The following SPEG variants were observed in gnomAD, a reference collection of about 807,000 sequenced individuals.
SPEG encodes the protein striated muscle enriched protein kinase.
SPEG carries 114 observed loss-of-function variants against 300.4 expected under a neutral mutation model. The ratio of observed to expected loss-of-function variants is 0.38; its 90% CI spans 0.33 to 0.44. SPEG has a LOEUF of 0.44. Ranked by LOEUF, SPEG falls within the 20% of genes least tolerant of loss-of-function variation. The probability of loss-of-function intolerance (pLI) is 1.00; values close to 1 mark genes in which losing one functional copy is unlikely to be tolerated. For synonymous variants in SPEG, 1,964 were observed against 2,018.9 expected (o/e 0.97, Z 0.73); for missense variants, 4,201 against 4,586.2 (o/e 0.92, Z 2.43).
In SPEG at chr2:219,490,503, C is replaced by T. The variant is rs781096883; in HGVS notation, c.9016C>T (p.Arg3006Trp). ...GCCCTATGCTGCCGAGGGCAAGCGG[C>T]GGGTCCTGCAGGAGTACGAGGTGCT... ...IVPYAAEGKR[R>W]VLQEYEVLRT... Residue 3006 changes from arginine to tryptophan, a missense_variant, in exon 37 of 41, where the codon CGG becomes TGG. By Grantham distance (101) the Arg-to-Trp change is moderately radical (BLOSUM62 -3). Around this residue, in one of 4 missense-constraint regions of SPEG, gnomAD observed 318 missense variants for 429.5 expected, o/e 0.74. Coordinates refer to ENST00000312358, the MANE Select transcript of SPEG (RefSeq NM_005876.5). 132 of 1,612,448 alleles carry T rather than the reference C, an allele frequency of 8.2e-5. No homozygotes were observed. Among genetic ancestry groups the T allele is most frequent in the East Asian group, 1.1e-4 (5 of 44,896 alleles).
intron 1 of SPEG, chr2:219,442,089 G>T: frequency 8.4e-7 from 1 of 1,195,980 alleles, no homozygotes; most frequent in South Asian, 4.2e-5. Context: ...TCCAGGTGAG[G>T]GCTCCGGGGG....
chr2:219,448,965 G>A lies in SPEG; in HGVS notation c.1807G>A (p.Ala603Thr). The change falls in exon 4 of 41, where the codon GCC (alanine) becomes ACC (threonine). Residue 603 changes from alanine (A) to threonine (T), a missense_variant. By Grantham distance (58) the Ala-to-Thr change is moderately conservative. Coordinates refer to ENST00000312358, the MANE Select transcript of SPEG (RefSeq NM_005876.5). ...CCAATTCCCGCTGACCCGGAGCAGA[G>A]CCATCCAGGAGTGCAGGAGCCCTGT... The part of the protein sequence containing the change: ...RDQFPLTRSR[A>T]IQECRSPVPP... 1.3e-6 allele frequency: 2 copies of A among 1,511,514 alleles called. No homozygotes were observed. The highest frequency in any genetic ancestry group is 1.8e-6 in the Non-Finnish European group (2 of 1,133,468). 93.6% of individuals were successfully genotyped at this position (1,511,514 alleles called of 1,614,324 possible). A position where few individuals can be genotyped will look rare whatever the true frequency, so the allele number is the denominator to read the frequency against.
chr2:219,489,713 C>G lies in SPEG; in HGVS notation c.8695C>G (p.Pro2899Ala). 1 of 1,614,086 alleles carries G rather than the reference C, an allele frequency of 6.2e-7. No individual in the cohort carries two copies. The change falls in exon 36 of 41, where the codon CCT (proline) becomes GCT (alanine). Residue 2899 changes from proline to alanine, a missense_variant. Coordinates refer to ENST00000312358, the MANE Select transcript of SPEG (RefSeq NM_005876.5). ...GGTTAAACCAGTGTCTTCCTCTACT[C>G]CTGTGTATGTGGTGACTTCCTTTGT... ...QGVKPVSSST[P>A]VYVVTSFVSA...
At position 219,449,037 on chromosome 2, in the gene SPEG, C is replaced by G; in HGVS notation, c.1879C>G (p.Pro627Ala). 1 of 1,520,148 alleles carries G rather than the reference C, an allele frequency of 6.6e-7. No individual in the cohort carries two copies. The highest frequency in any genetic ancestry group is 8.8e-7 in the Non-Finnish European group (1 of 1,133,926). The allele number at this position is 1,520,148 out of a possible 1,614,324, so 94.2% of individuals were successfully genotyped here. ...DPPEARTKAP[P>A]GRKREPPAQA... ...CCCAGAGGCCAGGACGAAAGCACCCCCCGGTCGGAAGCGGGAGCCCCCGGC... is the reference window on the plus strand; with the variant it reads ...CCCAGAGGCCAGGACGAAAGCACCCGCCGGTCGGAAGCGGGAGCCCCCGGC... The change falls in exon 4 of 41, where the codon CCC (proline) becomes GCC (alanine). Residue 627 changes from proline (P) to alanine (A), a missense_variant. By Grantham distance (27) the Pro-to-Ala change is conservative. Around this residue, in one of 4 missense-constraint regions of SPEG, gnomAD observed 1,258 missense variants for 1,293.9 expected, o/e 0.97. Coordinates refer to ENST00000312358, the MANE Select transcript of SPEG (RefSeq NM_005876.5).
intron 32 of SPEG, 57 bp downstream of exon 32, chr2:219,488,367 G>A: frequency 6.6e-7 from 1 of 1,513,616 alleles, no homozygotes. Context: ...CTGAGCCCAG[G>A]GGATGGGAGG....
chr2:219,448,082 G>T lies in SPEG; in HGVS notation c.924G>T (p.Leu308=). ...AGCCGCCTCCTTCCAAATCCGCGCT[G>T]CTCCCCCCACCGTCCCCTCGGGTCG... The part of the protein sequence containing the change: ...PAQPPPSKSA[L]LPPPSPRVGK... Residue 308 remains leucine (L), a synonymous_variant, in exon 4 of 41, where the codon CTG becomes CTT. Coordinates refer to ENST00000312358, the MANE Select transcript of SPEG (RefSeq NM_005876.5). 6.2e-7 allele frequency: 1 copy of T among 1,607,652 alleles called. No individual in the cohort carries two copies. The highest frequency in any genetic ancestry group is 1.3e-5 in the African/African-American group (1 of 74,912).
chr2:219,468,114 C>T (rs1279603824), intron 10 of SPEG, among the ~76,000 whole-genome samples: 3 of 152,208 alleles, frequency 2.0e-5, no homozygotes, highest in Non-Finnish European at 4.4e-5. Context: ...CCTCCAGAAG[C>T]TTCTTTGAGG....
At position 219,490,586 on chromosome 2, in the gene SPEG, G is replaced by A. The variant is rs369513475; in HGVS notation, c.9099G>A (p.Arg3033=). The A allele has an allele frequency of 1.2e-4, 192 of 1,613,838 alleles. No individual in the cohort carries two copies. Among genetic ancestry groups the A allele is most frequent in the South Asian group, 2.2e-4 (20 of 91,080 alleles). Residue 3033 remains arginine (R), a synonymous_variant, in exon 37 of 41, where the codon CGG becomes CGA. Transcript: ENST00000312358. ...MSLHEAYITP[R]YLVLIAESCG... is the part of the protein sequence containing the mutation. ...TGCACGAGGCCTACATCACCCCTCGGTACCTCGTGCTCATTGCTGAGAGCT... is the reference window on the plus strand; with the variant it reads ...TGCACGAGGCCTACATCACCCCTCGATACCTCGTGCTCATTGCTGAGAGCT...
At chr2:219,454,562 C>T (rs1009173725) in intron 6 of SPEG, among the ~76,000 whole-genome samples, 9 of 152,284 alleles carry the variant, frequency 5.9e-5, no homozygotes, top group South Asian at 2.1e-4. Flanking sequence ...TCTTCCCTGG[C>T]GATAACATTG....
In SPEG at chr2:219,451,863, G is replaced by GCCCAGGC; in HGVS notation, c.2440+62_2440+68dup. The GCCCAGGC allele has an allele frequency of 6.9e-7, 1 of 1,453,120 alleles. No individual in the cohort carries two copies. Among genetic ancestry groups the GCCCAGGC allele is most frequent in the African/African-American group, 1.4e-5 (1 of 70,492 alleles). The allele number at this position is 1,453,120 out of a possible 1,614,324, so 90.0% of individuals were successfully genotyped here. A position where few individuals can be genotyped will look rare whatever the true frequency, so the allele number is the denominator to read the frequency against. On this transcript the variant is annotated intron_variant, in intron 6 of 40. Coordinates refer to ENST00000312358, the MANE Select transcript of SPEG (RefSeq NM_005876.5). The surrounding 1 kb of genome is among the most constrained non-coding windows in gnomAD (Gnocchi z 6.4). ...GGGGGCAAGCCGTGACTCTCCCCTGGCCCAGGCCCCAGTCCACCTCCCTTC... is the reference window on the plus strand; with the variant it reads ...GGGGGCAAGCCGTGACTCTCCCCTGGCCCAGGCCCCAGGCCCCAGTCCACCTCCCTTC...
chr2:219,477,141 C>A lies in SPEG; in HGVS notation c.4561-136C>A. Reference sequence around the variant, plus strand: ...GACTGACTAGCTGAGGGGTGCAGGGCTTTCTGTGGGAGATAAGGGAGGAGC... The same window carrying A: ...GACTGACTAGCTGAGGGGTGCAGGGATTTCTGTGGGAGATAAGGGAGGAGC... On this transcript the variant is annotated intron_variant, in intron 19 of 40. Coordinates refer to ENST00000312358, the MANE Select transcript of SPEG (RefSeq NM_005876.5). This position sits in a 1 kb window ranked among gnomAD's most constrained non-coding sequence, Gnocchi z 6.4. 1.0e-6 allele frequency: 1 copy of A among 996,780 alleles called. No homozygotes were observed. The highest frequency in any genetic ancestry group is 1.5e-6 in the Non-Finnish European group (1 of 687,274). 61.7% of individuals were successfully genotyped at this position (996,780 alleles called of 1,614,324 possible).
chr2:219,464,407 G>A lies in SPEG; in HGVS notation c.2706-26G>A, dbSNP rs1236498204. On this transcript the variant is annotated intron_variant, in intron 8 of 40. Transcript: ENST00000312358. This position sits in a 1 kb window ranked among gnomAD's most constrained non-coding sequence, Gnocchi z 4.5. The stretch of plus-strand genomic sequence containing the variant: ...ACGCACATCAGGCCCCTGGGCCCTG[G>A]GACTGAGTTCTTGCCCCTCTGACAG... The A allele has an allele frequency of 6.3e-7, 1 of 1,598,136 alleles. No individual in the cohort carries two copies. Among genetic ancestry groups the A allele is most frequent in the Admixed American group, 1.7e-5 (1 of 59,642 alleles).
chr2:219,448,978 G>T lies in SPEG; in HGVS notation c.1820G>T (p.Cys607Phe). 6.6e-7 allele frequency: 1 copy of T among 1,507,652 alleles called. No individual in the cohort carries two copies. The allele number at this position is 1,507,652 out of a possible 1,614,324, so 93.4% of individuals were successfully genotyped here. A position where few individuals can be genotyped will look rare whatever the true frequency, so the allele number is the denominator to read the frequency against. ...ACCCGGAGCAGAGCCATCCAGGAGTGCAGGAGCCCTGTGCCGCCCCCCGCC... is the reference window on the plus strand; with the variant it reads ...ACCCGGAGCAGAGCCATCCAGGAGTTCAGGAGCCCTGTGCCGCCCCCCGCC... ...PLTRSRAIQE[C>F]RSPVPPPAAD... The change falls in exon 4 of 41, where the codon TGC (cysteine) becomes TTC (phenylalanine). Residue 607 changes from cysteine (C) to phenylalanine (F), a missense_variant. Around this residue, in one of 4 missense-constraint regions of SPEG, gnomAD observed 1,258 missense variants for 1,293.9 expected, o/e 0.97. Transcript: ENST00000312358.
rs1042146524 is a variant in SPEG, at chr2:219,436,170, T to TC, written c.388+810dup. On this transcript the variant is annotated intron_variant, in intron 1 of 40. Transcript: ENST00000312358. ...GGGGGATGCTATGGACCAGTGCTTG[T>TC]CCCCCGCCCATAGATTTCCAGGTGC... Among the ~76,000 whole-genome samples, 17 of 152,220 alleles carry TC rather than the reference T, an allele frequency of 1.1e-4. 1 individual carries two copies. The highest frequency in any genetic ancestry group is 4.1e-4 in the African/African-American group (17 of 41,526).
intron 9 of SPEG, chr2:219,465,599 T>G: frequency 9.5e-6 from 2 of 209,674 alleles, no homozygotes; most frequent in Non-Finnish European, 1.9e-5. Context: ...CCCCCAGGCT[T>G]TGGGGTGCTC....
rs955137172 is a variant in SPEG at position 219,464,861 on chromosome 2, G to A, written c.2881+253G>A. 1.7e-5 allele frequency: 8 copies of A among 476,598 alleles called. No homozygotes were observed. The highest frequency in any genetic ancestry group is 5.9e-5 in the African/African-American group (3 of 50,808). 29.5% of individuals were successfully genotyped at this position (476,598 alleles called of 1,614,324 possible). A position where few individuals can be genotyped will look rare whatever the true frequency, so the allele number is the denominator to read the frequency against. On this transcript the variant is annotated intron_variant, in intron 9 of 40. Transcript: ENST00000312358. This position sits in a 1 kb window ranked among gnomAD's most constrained non-coding sequence, Gnocchi z 4.5. ...ACCACCTTCCCTGTTGCTCCATCAC[G>A]GAGCCCTGGCGGCAGCCAGAGACCC...
chr2:219,489,773 G>A lies in SPEG; in HGVS notation c.8755G>A (p.Glu2919Lys), dbSNP rs868489026. Residue 2919 changes from glutamate (E) to lysine (K), a missense_variant, in exon 36 of 41, where the codon GAG (glutamate) becomes AAG (lysine). Transcript: ENST00000312358. Reference protein sequence around the residue: ...APPAPEPPAPEPPPEPTKVTV... With the variant: ...APPAPEPPAPKPPPEPTKVTV... ...ACCAGCCCCTGAGCCCCCAGCCCCT[G>A]AGCCCCCTCCTGAGCCTACCAAGGT... The A allele has an allele frequency of 9.9e-6, 16 of 1,613,450 alleles. No homozygotes were observed. Among genetic ancestry groups the A allele is most frequent in the Non-Finnish European group, 1.3e-5 (15 of 1,179,918 alleles).
chr2:219,477,436 G>C lies in SPEG; in HGVS notation c.4720G>C (p.Val1574Leu). 1 of 1,584,848 alleles carries C rather than the reference G, an allele frequency of 6.3e-7. No homozygotes were observed. The highest frequency in any genetic ancestry group is 1.7e-4 in the Middle Eastern group (1 of 6,012). The change falls in exon 20 of 41, where the codon GTG becomes CTG. Residue 1574 changes from valine (V) to leucine (L), a missense_variant. Around this residue, in one of 4 missense-constraint regions of SPEG, gnomAD observed 1,047 missense variants for 1,356.8 expected, o/e 0.77. Coordinates refer to ENST00000312358, the MANE Select transcript of SPEG (RefSeq NM_005876.5). The surrounding 1 kb of genome is among the most constrained non-coding windows in gnomAD (Gnocchi z 6.4). ...GGTCTCCTGCAAAGCAGAGTTGGCT[G>C]TGCATTCAGGTAGGCAGGAGTTCCG... ...GEVSCKAELA[V>L]HSAQTAMEVE...
Position 219,439,984 on chromosome 2 carries a change from C to T in SPEG, c.388+4619C>T, listed in dbSNP as rs759959551. 6.6e-6 allele frequency among the ~76,000 whole-genome samples: 1 copy of T among 152,190 alleles called. No homozygotes were observed. Among genetic ancestry groups the T allele is most frequent in the African/African-American group, 2.4e-5 (1 of 41,422 alleles). On this transcript the variant is annotated intron_variant, in intron 1 of 40. Coordinates refer to ENST00000312358, the MANE Select transcript of SPEG (RefSeq NM_005876.5). This position sits in a 1 kb window ranked among gnomAD's most constrained non-coding sequence, Gnocchi z 4.5. ...TGGACACACATATGTGCCCTCTCAG[C>T]ACACGTCCCTGTGCATGTGTCTGTA...
Sources: allele counts gnomAD v4.1 joint callset (sites outside exome capture counted in the v4.1 genomes callset), GRCh38; gene constraint gnomAD v4.1.1; regional missense constraint gnomAD v4.1.1; non-coding constraint Gnocchi (gnomAD v3.1); transcripts MANE v1.5; gene names NCBI Gene and HGNC (gene_info 2026-07-23, HGNC 2026-07-21).